Variants in TACR3 observed in about 807,000 individuals in gnomAD.
The protein encoded by TACR3 is tachykinin receptor 3.
TACR3 carries 34 observed loss-of-function variants against 35.0 expected under a neutral mutation model. That is an observed-to-expected ratio of 0.97 (90% confidence interval 0.74 to 1.30). The LOEUF (loss-of-function observed/expected upper bound fraction) is 1.30. Ranked by LOEUF, TACR3 falls within the 50% of genes most tolerant of loss-of-function variation. The probability of loss-of-function intolerance (pLI) is 0.00; values close to 1 mark genes in which losing one functional copy is unlikely to be tolerated. For missense variants in TACR3, 558 were observed against 591.7 expected, an observed-to-expected ratio of 0.94 and a Z score of 0.59; for synonymous variants, 233 against 221.1, an observed-to-expected ratio of 1.05 and a Z score of -0.48.
At chr4:103,601,744 C>T (rs939875528) in intron 3 of TACR3, among the ~76,000 whole-genome samples, 1 of 152,214 alleles carries the variant, frequency 6.6e-6, no homozygotes, top group Non-Finnish European at 1.5e-5. Context: ...AGAGTTTCTG[C>T]TGAGAGATCA....
intron 3 of TACR3, among the ~76,000 whole-genome samples, chr4:103,625,037 C>T (rs1035832909): frequency 1.6e-4 from 25 of 151,992 alleles, no homozygotes; most frequent in African/African-American, 4.8e-4. Flanking sequence ...GAGAGAAACA[C>T]GCAATTGCCT....
At chr4:103,649,749 C>G (rs1725539682) in intron 3 of TACR3, among the ~76,000 whole-genome samples, 1 of 152,174 alleles carries the variant, frequency 6.6e-6, no homozygotes, top group East Asian at 1.9e-4. Context: ...TCCTTGTGTT[C>G]TCTTGAATTT....
At chr4:103,626,046 C>T (rs1452578843) in intron 3 of TACR3, among the ~76,000 whole-genome samples, 1 of 152,158 alleles carries the variant, frequency 6.6e-6, no homozygotes, top group Non-Finnish European at 1.5e-5. Flanking sequence ...CTTCTAGCCT[C>T]CAAGACAGTG....
intron 1 of TACR3, among the ~76,000 whole-genome samples, chr4:103,663,961 T>C (rs3796958): frequency 0.12 from 18,789 of 152,258 alleles, 1,372 homozygotes; most frequent in Non-Finnish European, 0.17. Flanking sequence ...CCAAGGATTT[T>C]TGCTGAGCTT....
At chr4:103,633,045 G>A (rs1385645852) in intron 3 of TACR3, among the ~76,000 whole-genome samples, 1 of 111,604 alleles carries the variant, frequency 9.0e-6, no homozygotes, top group Non-Finnish European at 1.9e-5. Context: ...TTATTTTCCT[G>A]ACATCTTTTT....
At chr4:103,652,829 T>C (rs548135822) in intron 3 of TACR3, among the ~76,000 whole-genome samples, 1 of 152,180 alleles carries the variant, frequency 6.6e-6, no homozygotes, top group South Asian at 2.1e-4. Context: ...TATGAATAAA[T>C]GGTCCATCCA....
intron 1 of TACR3, among the ~76,000 whole-genome samples, chr4:103,709,737 T>C (rs944467841): frequency 6.6e-6 from 1 of 152,014 alleles, no homozygotes; most frequent in Non-Finnish European, 1.5e-5. Flanking sequence ...TCAAGAACCA[T>C]CAGTGTGCTG....
chr4:103,679,373 C>T (rs1040034433), intron 1 of TACR3, among the ~76,000 whole-genome samples: 2 of 151,952 alleles, frequency 1.3e-5, no homozygotes, highest in Middle Eastern at 3.2e-3. Context: ...TATTTCAAAC[C>T]TCAGGACTGG....
Position 103,656,357 on chromosome 4 carries a change from A to C in TACR3, c.738-13T>G. On this transcript the variant is annotated splice_polypyrimidine_tract_variant and intron_variant, in intron 2 of 4. Transcript: ENST00000304883. ...GATAATATGGTAACTATGAAAAATA[A>C]GAAAAACACATGCTGAAGACCTTAT... 6.2e-7 allele frequency: 1 copy of C among 1,611,202 alleles called. No homozygotes were observed. The highest frequency in any genetic ancestry group is 2.2e-5 in the East Asian group (1 of 44,740).
chr4:103,691,611 A>G (rs879867379), intron 1 of TACR3, among the ~76,000 whole-genome samples: 4 of 152,130 alleles, frequency 2.6e-5, no homozygotes, highest in Non-Finnish European at 4.4e-5. Context: ...CATAAACTGG[A>G]CCCCAAACTG....
At chr4:103,715,843 TTAA>T (rs1723077912) in intron 1 of TACR3, among the ~76,000 whole-genome samples, 1 of 152,178 alleles carries the variant, frequency 6.6e-6, no homozygotes. Flanking sequence ...AACTGTTCTA[TTAA>T]TAATTTTCTA....
At position 103,676,025 on chromosome 4, in the gene TACR3, C is replaced by G. The variant is rs140216661; in HGVS notation, c.549-17622G>C. Among the ~76,000 whole-genome samples, 13 of 152,254 alleles carry G rather than the reference C, an allele frequency of 8.5e-5. No individual in the cohort carries two copies. In the East Asian group the frequency reaches 2.5e-3, roughly 29 times the overall value. On this transcript the variant is annotated intron_variant, in intron 1 of 4. Coordinates refer to ENST00000304883, the MANE Select transcript of TACR3 (RefSeq NM_001059.3). ...CACTCTGAATTATTTCCTTTCTATT[C>G]TTCCATAGCTAGTTTTTTGCACACT...
chr4:103,687,086 T>C (rs1393844580), intron 1 of TACR3, among the ~76,000 whole-genome samples: 4 of 151,792 alleles, frequency 2.6e-5, no homozygotes, highest in Non-Finnish European at 5.9e-5. Context: ...GCAAGGCTGG[T>C]TCAATATATG....
chr4:103,646,142 C>T (rs1725450740), intron 3 of TACR3, among the ~76,000 whole-genome samples: 1 of 152,016 alleles, frequency 6.6e-6, no homozygotes, highest in African/African-American at 2.4e-5. Context: ...CAAAGCTTTG[C>T]AGCATGTCCT....
chr4:103,634,197 AC>A (rs1725129898), intron 3 of TACR3, among the ~76,000 whole-genome samples: 1 of 152,140 alleles, frequency 6.6e-6, no homozygotes, highest in South Asian at 2.1e-4. Context: ...ATTAACAGTA[AC>A]CTCTAATGAA....
intron 1 of TACR3, among the ~76,000 whole-genome samples, chr4:103,705,098 T>G (rs1294699321): frequency 1.3e-5 from 2 of 152,120 alleles, no homozygotes; most frequent in Non-Finnish European, 2.9e-5. Context: ...GAGTTTTTAT[T>G]AAAAATCTAT....
At position 103,587,648 on chromosome 4, in the gene TACR3, T is replaced by C. The variant is rs1723794826; in HGVS notation, c.*2034A>G. 6.6e-6 allele frequency: 1 copy of C among 152,128 alleles called. No individual in the cohort carries two copies. The highest frequency in any genetic ancestry group is 1.5e-5 in the Non-Finnish European group (1 of 68,000). The allele number at this position is 152,128 out of a possible 1,614,324, so 9.4% of individuals were successfully genotyped here. The stretch of plus-strand genomic sequence containing the variant: ...CATATTCATATTTTACAGCTGAATA[T>C]GGTTCCATATGTCTAAAACATTAAT... On this transcript the variant is annotated 3_prime_UTR_variant, in exon 5 of 5. Transcript: ENST00000304883.
chr4:103,606,288 G>GGATT (rs2110294470), intron 3 of TACR3, among the ~76,000 whole-genome samples: 1 of 151,970 alleles, frequency 6.6e-6, no homozygotes, highest in East Asian at 1.9e-4. Context: ...TTTTGGCTTA[G>GGATT]GATTGACTTG....
intron 3 of TACR3, among the ~76,000 whole-genome samples, chr4:103,636,256 A>G (rs985729718): frequency 6.6e-6 from 1 of 151,948 alleles, no homozygotes; most frequent in African/African-American, 2.4e-5. Context: ...GAACTAAAAA[A>G]CACAAAATAC....
Sources: allele counts gnomAD v4.1 joint callset (sites outside exome capture counted in the v4.1 genomes callset), GRCh38; gene constraint gnomAD v4.1.1; transcripts MANE v1.5; gene names NCBI Gene and HGNC (gene_info 2026-07-23, HGNC 2026-07-21).